The following ADGRL2 variants were observed in gnomAD, a reference collection of about 807,000 sequenced individuals.
ADGRL2 encodes adhesion G protein-coupled receptor L2.
In ADGRL2, 44 loss-of-function variants were observed where a neutral mutation model predicts 157.4. The ratio of observed to expected loss-of-function variants is 0.28; its 90% confidence interval spans 0.22 to 0.36. The LOEUF is 0.36. ADGRL2 is among the 10% of genes least tolerant of loss of function. The probability of loss-of-function intolerance (pLI) is 1.00; values close to 1 mark genes in which losing one functional copy is unlikely to be tolerated. For synonymous variants in ADGRL2, 585 were observed against 624.7 expected (o/e 0.94, Z 0.95); for missense variants, 1,510 against 1,768.9 (o/e 0.85, Z 2.63).
At chr1:81,456,514 A>G (rs1055695422) in intron 2 of ADGRL2, among the ~76,000 whole-genome samples, 3 of 152,168 alleles carry the variant, frequency 2.0e-5, no homozygotes, top group African/African-American at 7.2e-5. Flanking sequence ...CTAGGGTTAC[A>G]GGCATAAGCC....
chr1:81,665,573 T>A (rs1476339633), intron 3 of ADGRL2, among the ~76,000 whole-genome samples: 1 of 152,138 alleles, frequency 6.6e-6, no homozygotes, highest in Non-Finnish European at 1.5e-5. Context: ...TGGCTCTATA[T>A]CTGGGAAATG....
chr1:81,528,189 C>T (rs2079510957), intron 2 of ADGRL2, among the ~76,000 whole-genome samples: 1 of 152,200 alleles, frequency 6.6e-6, no homozygotes, highest in African/African-American at 2.4e-5. Context: ...GTGAGAAATA[C>T]ATTTCTATTA....
Position 81,910,730 on chromosome 1 carries a change from C to CT in ADGRL2, c.287+3506dup, listed in dbSNP as rs200473308. Among the ~76,000 whole-genome samples the CT allele has an allele frequency of 4.8e-4, 68 of 141,960 alleles. No homozygotes were observed. The East Asian group carries it at 0.019, about 39-fold the overall frequency. 93.1% of individuals were successfully genotyped at this position (141,960 alleles called of 152,430 possible). A position where few individuals can be genotyped will look rare whatever the true frequency, so the allele number is the denominator to read the frequency against. Reference sequence around the variant, plus strand: ...TATTGCTTATATAGAATAACTTGTCCTTTTTTAAAAAAAAAACTTAAAAAT... The same window carrying CT: ...TATTGCTTATATAGAATAACTTGTCCTTTTTTTAAAAAAAAAACTTAAAAAT... On this transcript the variant is annotated intron_variant, in intron 3 of 23. Coordinates refer to ENST00000686636, the MANE Select transcript of ADGRL2 (RefSeq NM_001366006.2).
intron 3 of ADGRL2, among the ~76,000 whole-genome samples, chr1:81,643,007 C>A (rs143470183): frequency 3.5e-4 from 54 of 152,234 alleles, no homozygotes; most frequent in Middle Eastern, 3.4e-3. Context: ...AGCTTTCTCA[C>A]CAAGATCAGG....
At chr1:81,642,437 A>G (rs1404714557) in intron 3 of ADGRL2, among the ~76,000 whole-genome samples, 1 of 151,686 alleles carries the variant, frequency 6.6e-6, no homozygotes, top group East Asian at 1.9e-4. Context: ...AAAAGAAAAA[A>G]AAAAAAAGAC....
intron 1 of ADGRL2, among the ~76,000 whole-genome samples, chr1:81,705,298 T>A (rs2083697330): frequency 6.6e-6 from 1 of 152,164 alleles, no homozygotes; most frequent in South Asian, 2.1e-4. Context: ...CCTAAGGTGC[T>A]GGGATTATAG....
At chr1:81,503,167 G>A in intron 2 of ADGRL2, 2 of 1,614,194 alleles carry the variant, frequency 1.2e-6, no homozygotes, top group South Asian at 1.1e-5. Flanking sequence ...TTTCAGCATG[G>A]CACGGCAGCT....
chr1:81,391,964 C>A (rs2076567529), intron 1 of ADGRL2, among the ~76,000 whole-genome samples: 1 of 151,966 alleles, frequency 6.6e-6, no homozygotes, highest in South Asian at 2.1e-4. Context: ...ATTTAATTTC[C>A]ATAACAAGCA....
intron 1 of ADGRL2, among the ~76,000 whole-genome samples, chr1:81,443,056 A>T (rs1017963296): frequency 1.3e-5 from 2 of 152,232 alleles, no homozygotes; most frequent in Non-Finnish European, 2.9e-5. Context: ...TTCAAGAAAC[A>T]ACTAATAACT....
intron 3 of ADGRL2, among the ~76,000 whole-genome samples, chr1:81,679,282 T>C (rs1277038333): frequency 6.6e-6 from 1 of 151,910 alleles, no homozygotes; most frequent in East Asian, 1.9e-4. Context: ...AGAGTCAACA[T>C]GAGAGATCCA....
At chr1:81,789,701 CAAAAAAAA>C (rs34269882) in intron 2 of ADGRL2, among the ~76,000 whole-genome samples, 1 of 88,504 alleles carries the variant, frequency 1.1e-5, no homozygotes, top group Non-Finnish European at 2.3e-5. Context: ...GTCTCCGTCT[CAAAAAAAA>C]AAAAAAAAAA....
At chr1:81,870,116 C>T (rs1334444676) in intron 2 of ADGRL2, among the ~76,000 whole-genome samples, 4 of 152,006 alleles carry the variant, frequency 2.6e-5, no homozygotes, top group Non-Finnish European at 5.9e-5. Context: ...ATAAAACTTA[C>T]ACATTTTCAT....
intron 2 of ADGRL2, among the ~76,000 whole-genome samples, chr1:81,499,666 A>C (rs1451126134): frequency 6.6e-6 from 1 of 152,228 alleles, no homozygotes; most frequent in East Asian, 1.9e-4. Flanking sequence ...CCTGAATGCA[A>C]AAAGTTAAAA....
intron 11 of ADGRL2, among the ~76,000 whole-genome samples, chr1:81,961,509 C>CTTTT (rs5775655): frequency 7.3e-6 from 1 of 137,322 alleles, no homozygotes. Flanking sequence ...AATTTTCTTT[C>CTTTT]TTTTTTTTTT....
At chr1:81,460,236 T>C (rs1428948810) in intron 2 of ADGRL2, among the ~76,000 whole-genome samples, 6 of 151,746 alleles carry the variant, frequency 4.0e-5, no homozygotes. Flanking sequence ...TTTTGTCATG[T>C]AAATTTTTAT....
intron 1 of ADGRL2, among the ~76,000 whole-genome samples, chr1:81,719,696 C>T: frequency 6.6e-6 from 1 of 152,110 alleles, no homozygotes; most frequent in Non-Finnish European, 1.5e-5. Context: ...AAACTGAATG[C>T]ACTTTTCCAG....
At position 81,584,159 on chromosome 1, in the gene ADGRL2, G is replaced by A. The variant is rs1377842072; in HGVS notation, c.-143+3179G>A. ...GCAGCAGGGCCATTCGTGACAAACA[G>A]GGCCTAATAAACTAACTTCACCCCC... On this transcript the variant is annotated intron_variant, in intron 3 of 24. Transcript: ENST00000370721. Among the ~76,000 whole-genome samples the A allele has an allele frequency of 3.3e-5, 5 of 152,236 alleles. No homozygotes were observed. The South Asian group carries it at 6.2e-4, about 19-fold the overall frequency.
At chr1:81,509,587 T>C (rs115297866) in intron 2 of ADGRL2, among the ~76,000 whole-genome samples, 177 of 152,316 alleles carry the variant, frequency 1.2e-3, no homozygotes, top group African/African-American at 4.0e-3. Context: ...ACCAGATTCC[T>C]AACAAGAAGG....
At chr1:81,853,711 G>A (rs1007417129) in intron 2 of ADGRL2, among the ~76,000 whole-genome samples, 1 of 152,076 alleles carries the variant, frequency 6.6e-6, no homozygotes, top group Non-Finnish European at 1.5e-5. Flanking sequence ...GAGCTTTGTG[G>A]TCTTACTGGA....
Sources: gnomAD v4.1 joint callset for allele counts (sites outside exome capture counted in the v4.1 genomes callset) on GRCh38, gnomAD v4.1.1 for gene constraint, MANE v1.5 for transcripts, NCBI Gene and HGNC (gene_info 2026-07-23, HGNC 2026-07-21) for gene names.